Variants in RAPGEF5 observed in about 807,000 individuals in gnomAD.
The protein encoded by RAPGEF5 is M-Ras-regulated GEF.
A neutral mutation model predicts 125.2 loss-of-function variants in RAPGEF5; 65 were observed. That is an observed-to-expected ratio of 0.52 (90% CI 0.43 to 0.64). The LOEUF (loss-of-function observed/expected upper bound fraction) is 0.64, where lower values mean the gene tolerates loss of function less well. Among genes scored for constraint, RAPGEF5 ranks in the 30% least tolerant of loss-of-function variants. The pLI, the probability that RAPGEF5 is intolerant of heterozygous loss-of-function variation, is 0.00. For missense variants in RAPGEF5, 958 were observed against 1,048.1 expected, an observed-to-expected ratio of 0.91 and a Z score of 1.19; for synonymous variants, 391 against 385.9, an observed-to-expected ratio of 1.01 and a Z score of -0.16.
At chr7:22,308,854 C>A (rs1290564693) in intron 4 of RAPGEF5, among the ~76,000 whole-genome samples, 1 of 152,092 alleles carries the variant, frequency 6.6e-6, no homozygotes, top group African/African-American at 2.4e-5. Context: ...TTTAGTAATA[C>A]AGAAATACAA....
chr7:22,230,853 T>C lies in RAPGEF5; in HGVS notation c.863A>G (p.Asp288Gly). 6.4e-7 allele frequency: 1 copy of C among 1,566,544 alleles called. No homozygotes were observed. The highest frequency in any genetic ancestry group is 1.2e-5 in the South Asian group (1 of 85,316). ...TCACAGAATTGATCATACCTGAGAA[T>C]CTGGAACACTTTCGGCTTCTGTTAC... ...VAVTEAESVP[D>G]SQAGVMCKLQ... is the part of the protein sequence containing the mutation. Residue 288 changes from aspartate (D) to glycine (G), a missense_variant, in exon 8 of 26, where the codon GAT (aspartate) becomes GGT (glycine). Physicochemically the swap from Asp to Gly is moderately conservative, Grantham distance 94. Transcript: ENST00000665637.
chr7:22,135,065 A>T (rs1442220522), intron 23 of RAPGEF5, among the ~76,000 whole-genome samples: 2 of 152,158 alleles, frequency 1.3e-5, no homozygotes, highest in East Asian at 3.9e-4. Context: ...TGAAGAGAAA[A>T]TGCCAGCTTT....
At chr7:22,210,664 G>C (rs910751903) in intron 9 of RAPGEF5, among the ~76,000 whole-genome samples, 2 of 152,100 alleles carry the variant, frequency 1.3e-5, no homozygotes, top group East Asian at 1.9e-4. Context: ...CTTTGCCTCA[G>C]TCGTGCCCAG....
chr7:22,356,605 G>C (rs1287504445), intron 1 of RAPGEF5: 1 of 191,814 alleles, frequency 5.2e-6, no homozygotes, highest in African/African-American at 2.5e-5. Flanking sequence ...GTTAAGTCAG[G>C]TGCAGCCTGG....
At chr7:22,132,628 G>A (rs1181820365) in intron 23 of RAPGEF5, among the ~76,000 whole-genome samples, 1 of 152,150 alleles carries the variant, frequency 6.6e-6, no homozygotes, top group Non-Finnish European at 1.5e-5. Context: ...TGAAGGTCTG[G>A]CCTCTACTAA....
At chr7:22,272,996 G>C (rs1465522855) in intron 6 of RAPGEF5, among the ~76,000 whole-genome samples, 3 of 152,086 alleles carry the variant, frequency 2.0e-5, no homozygotes, top group African/African-American at 7.2e-5. Context: ...CTGACCTCAA[G>C]TGATCTGCCC....
intron 9 of RAPGEF5, among the ~76,000 whole-genome samples, chr7:22,201,651 A>G (rs1464087667): frequency 1.3e-5 from 2 of 152,206 alleles, no homozygotes; most frequent in African/African-American, 2.4e-5. Flanking sequence ...TCTAGTGCCT[A>G]TATCAGTTTA....
chr7:22,180,474 T>C (rs1178629572), intron 11 of RAPGEF5, among the ~76,000 whole-genome samples: 2 of 152,210 alleles, frequency 1.3e-5, no homozygotes, highest in Non-Finnish European at 2.9e-5. Context: ...TATGCTAGTG[T>C]CCATCAGGGC....
chr7:22,118,781 T>C lies in RAPGEF5; in HGVS notation c.*3625A>G, dbSNP rs1286291720. 1 of 152,612 alleles carries C rather than the reference T, an allele frequency of 6.6e-6. No homozygotes were observed. Among genetic ancestry groups the C allele is most frequent in the Non-Finnish European group, 1.5e-5 (1 of 68,030 alleles). The allele number at this position is 152,612 out of a possible 1,614,324, so 9.5% of individuals were successfully genotyped here. ...TAATAACAGTGTGATACGAATACAATAAATAGACTATGCAAATAAATATTA... is the reference window on the plus strand; with the variant it reads ...TAATAACAGTGTGATACGAATACAACAAATAGACTATGCAAATAAATATTA... On this transcript the variant is annotated 3_prime_UTR_variant, in exon 26 of 26. Coordinates refer to ENST00000665637, the MANE Select transcript of RAPGEF5 (RefSeq NM_012294.5).
intron 3 of RAPGEF5, among the ~76,000 whole-genome samples, chr7:22,312,652 C>T (rs964738319): frequency 6.6e-6 from 1 of 152,130 alleles, no homozygotes; most frequent in African/African-American, 2.4e-5. Flanking sequence ...ACAGTACTGT[C>T]GTAACAATAT....
chr7:22,208,294 A>G lies in RAPGEF5; in HGVS notation c.996+11572T>C, dbSNP rs146226745. On this transcript the variant is annotated intron_variant, in intron 9 of 25. Coordinates refer to ENST00000665637, the MANE Select transcript of RAPGEF5 (RefSeq NM_012294.5). ...CTTATAAAAAAAAGGTTGTACTGAC[A>G]TTAAAATTATTTAGGCCATCAACAA... is the stretch of plus-strand genomic sequence containing the variant. 2.2e-3 allele frequency among the ~76,000 whole-genome samples: 333 copies of G among 152,358 alleles called. 8 individuals carry two copies. The East Asian group carries it at 0.058, about 27-fold the overall frequency.
chr7:22,306,824 T>A (rs1042617426), intron 5 of RAPGEF5, among the ~76,000 whole-genome samples: 1 of 152,202 alleles, frequency 6.6e-6, no homozygotes, highest in Admixed American at 6.5e-5. Flanking sequence ...TCTTCCTCAG[T>A]GCATGTCTTG....
At chr7:22,276,813 A>G (rs1463259266) in intron 6 of RAPGEF5, among the ~76,000 whole-genome samples, 2 of 152,238 alleles carry the variant, frequency 1.3e-5, no homozygotes, top group South Asian at 2.1e-4. Flanking sequence ...ATTAACATGT[A>G]TAAATCATCG....
intron 18 of RAPGEF5, among the ~76,000 whole-genome samples, chr7:22,148,038 T>G (rs3807532): frequency 0.66 from 101,132 of 152,086 alleles, 33,725 homozygotes; most frequent in South Asian, 0.77. Context: ...CTCAGCAGCA[T>G]GTCAAGGTCC....
chr7:22,307,730 T>G (rs1275142602), intron 5 of RAPGEF5, among the ~76,000 whole-genome samples: 11 of 152,174 alleles, frequency 7.2e-5, no homozygotes, highest in Non-Finnish European at 1.6e-4. Flanking sequence ...TGAAGTGTTC[T>G]GCATATGTAA....
intron 7 of RAPGEF5, among the ~76,000 whole-genome samples, chr7:22,244,102 C>A (rs555121277): frequency 3.8e-4 from 58 of 152,208 alleles, no homozygotes; most frequent in African/African-American, 1.3e-3. Context: ...CCAAGTTTAT[C>A]CATGTTGTTG....
intron 5 of RAPGEF5, among the ~76,000 whole-genome samples, chr7:22,304,956 C>A (rs1443339908): frequency 6.6e-6 from 1 of 152,144 alleles, no homozygotes; most frequent in Non-Finnish European, 1.5e-5. Flanking sequence ...GATGGGAAAT[C>A]CATAATCATT....
chr7:22,194,580 A>G, intron 9 of RAPGEF5: 1 of 984,340 alleles, frequency 1.0e-6, no homozygotes, highest in East Asian at 1.1e-4. Context: ...TCCATCATTC[A>G]ATTCAATTTT....
intron 7 of RAPGEF5, among the ~76,000 whole-genome samples, chr7:22,235,464 A>T (rs965736455): frequency 2.6e-5 from 4 of 152,216 alleles, no homozygotes; most frequent in African/African-American, 9.6e-5. Flanking sequence ...ATGGATCCTG[A>T]CCAGGGTTTC....
Sources: gnomAD v4.1 joint callset for allele counts (sites outside exome capture counted in the v4.1 genomes callset) on GRCh38, gnomAD v4.1.1 for gene constraint, MANE v1.5 for transcripts, NCBI Gene and HGNC (gene_info 2026-07-23, HGNC 2026-07-21) for gene names.